The following THRB variants were observed in gnomAD, a reference collection of about 807,000 sequenced individuals.
THRB encodes thyroid hormone receptor beta.
THRB carries 12 observed loss-of-function variants against 47.8 expected under a neutral mutation model. That is an observed-to-expected ratio of 0.25 (90% CI 0.16 to 0.41). The LOEUF is 0.41. Ranked by LOEUF, THRB falls within the 10% of genes least tolerant of loss-of-function variation. The pLI, the probability that THRB is intolerant of heterozygous loss-of-function variation, is 1.00. For synonymous variants in THRB, 218 were observed against 212.2 expected, an observed-to-expected ratio of 1.03 and a Z score of -0.24; for missense variants, 348 against 589.2, an observed-to-expected ratio of 0.59 and a Z score of 4.24.
chr3:24,198,869 T>C (rs1038318264), intron 4 of THRB, among the ~76,000 whole-genome samples: 2 of 152,064 alleles, frequency 1.3e-5, no homozygotes, highest in Non-Finnish European at 2.9e-5. Context: ...GCATGGGTCA[T>C]AGCTGGGGAG....
chr3:24,430,546 A>T (rs956492913), intron 1 of THRB, among the ~76,000 whole-genome samples: 1 of 152,104 alleles, frequency 6.6e-6, no homozygotes, highest in African/African-American at 2.4e-5. Context: ...ACTGAACTCT[A>T]TACCTAAAAT....
intron 8 of THRB, among the ~76,000 whole-genome samples, chr3:24,135,841 AT>A (rs1559422365): frequency 1.2e-4 from 14 of 118,034 alleles, no homozygotes; most frequent in East Asian, 9.0e-4. Flanking sequence ...ATATATATAT[AT>A]ATATAATACA....
At chr3:24,154,203 T>C (rs1314116990) in intron 5 of THRB, among the ~76,000 whole-genome samples, 1 of 152,212 alleles carries the variant, frequency 6.6e-6, no homozygotes, top group East Asian at 1.9e-4. Flanking sequence ...GATTCATCTG[T>C]TGAGTTCACT....
intron 1 of THRB, among the ~76,000 whole-genome samples, chr3:24,370,304 A>C (rs2064811642): frequency 6.6e-6 from 1 of 152,024 alleles, no homozygotes; most frequent in African/African-American, 2.4e-5. Context: ...ACTGCCCTGA[A>C]ATCTTTATTT....
At chr3:24,311,241 T>C (rs566969892) in intron 2 of THRB, among the ~76,000 whole-genome samples, 19 of 152,286 alleles carry the variant, frequency 1.2e-4, no homozygotes, top group African/African-American at 4.3e-4. Flanking sequence ...GAGGAAAATG[T>C]AAATCCCAAG....
At chr3:24,301,324 G>T (rs965612072) in intron 2 of THRB, among the ~76,000 whole-genome samples, 1 of 152,174 alleles carries the variant, frequency 6.6e-6, no homozygotes, top group Non-Finnish European at 1.5e-5. Flanking sequence ...TTTTGTGTTT[G>T]TCTGAAAACT....
chr3:24,159,519 G>A (rs1276607188), intron 5 of THRB, among the ~76,000 whole-genome samples: 4 of 152,104 alleles, frequency 2.6e-5, no homozygotes, highest in East Asian at 3.8e-4. Context: ...TTTGACAGAC[G>A]TCAATATATG....
intron 3 of THRB, among the ~76,000 whole-genome samples, chr3:24,276,848 C>G (rs1463316236): frequency 6.6e-6 from 1 of 152,170 alleles, no homozygotes; most frequent in African/African-American, 2.4e-5. Flanking sequence ...GATGTTGGAG[C>G]AAAGTGTTGA....
intron 1 of THRB, among the ~76,000 whole-genome samples, chr3:24,398,115 T>C (rs1356612115): frequency 6.6e-6 from 1 of 152,108 alleles, no homozygotes. Context: ...AAATACTTGG[T>C]AAATACCAGT....
rs558821480 is a variant in THRB at position 24,247,712 on chromosome 3, G to T, written c.-42-18711C>A. On this transcript the variant is annotated intron_variant, in intron 3 of 10. Coordinates refer to ENST00000646209, the MANE Select transcript of THRB (RefSeq NM_001354712.2). ...GTTAAATGTCTAAAGATAAATACTGGTACATGGGGAAGTCAGGACCCAAAA... is the reference window on the plus strand; with the variant it reads ...GTTAAATGTCTAAAGATAAATACTGTTACATGGGGAAGTCAGGACCCAAAA... Among the ~76,000 whole-genome samples, 25 of 152,192 alleles carry T rather than the reference G, an allele frequency of 1.6e-4. No individual in the cohort carries two copies. In the East Asian group the frequency reaches 4.8e-3, roughly 29 times the overall value.
chr3:24,149,041 G>T (rs2036519783), intron 6 of THRB, among the ~76,000 whole-genome samples: 1 of 152,224 alleles, frequency 6.6e-6, no homozygotes, highest in Admixed American at 6.5e-5. Context: ...TTTCCTGGGT[G>T]TGCAGGGTGG....
At chr3:24,139,443 G>A (rs749565256) in intron 8 of THRB, among the ~76,000 whole-genome samples, 6 of 150,078 alleles carry the variant, frequency 4.0e-5, no homozygotes, top group Non-Finnish European at 7.4e-5. Flanking sequence ...GAGTGGAGTG[G>A]CATAATCACA....
intron 1 of THRB, among the ~76,000 whole-genome samples, chr3:24,391,058 T>G (rs1469987877): frequency 6.6e-6 from 1 of 152,092 alleles, no homozygotes; most frequent in Non-Finnish European, 1.5e-5. Flanking sequence ...CTGTGCAGTC[T>G]GGCAGAAGGA....
chr3:24,467,191 A>G (rs2074224884), intron 1 of THRB, among the ~76,000 whole-genome samples: 1 of 152,208 alleles, frequency 6.6e-6, no homozygotes, highest in Admixed American at 6.5e-5. Context: ...CCTTAACCAT[A>G]GAAGTTTTAT....
At chr3:24,262,439 A>G (rs141758658) in intron 3 of THRB, among the ~76,000 whole-genome samples, 573 of 152,292 alleles carry the variant, frequency 3.8e-3, no homozygotes, top group African/African-American at 0.013. Flanking sequence ...AAACCCTGCA[A>G]TGGTTTTCCT....
At chr3:24,231,989 C>T (rs568855529) in intron 3 of THRB, among the ~76,000 whole-genome samples, 9 of 152,242 alleles carry the variant, frequency 5.9e-5, no homozygotes, top group South Asian at 4.1e-4. Context: ...GGGGTGGCTA[C>T]GCTAATGAAG....
intron 1 of THRB, among the ~76,000 whole-genome samples, chr3:24,364,558 C>T (rs1196391930): frequency 6.6e-6 from 1 of 152,134 alleles, no homozygotes; most frequent in Non-Finnish European, 1.5e-5. Flanking sequence ...GATTGAATAA[C>T]TTGTTCTGTG....
intron 5 of THRB, among the ~76,000 whole-genome samples, chr3:24,173,513 C>A (rs943452470): frequency 1.3e-5 from 2 of 152,200 alleles, no homozygotes; most frequent in Non-Finnish European, 2.9e-5. Flanking sequence ...AGACTGTCAA[C>A]AGGAGCAGTG....
chr3:24,218,340 CTCTTTTTTTT>C (rs1332707974), intron 4 of THRB, among the ~76,000 whole-genome samples: 1 of 117,278 alleles, frequency 8.5e-6, no homozygotes, highest in Non-Finnish European at 1.6e-5. Context: ...CTCTCTCTCT[CTCTTTTTTTT>C]TTTTTTTTTT....
Sources: allele counts gnomAD v4.1 joint callset (sites outside exome capture counted in the v4.1 genomes callset), GRCh38; gene constraint gnomAD v4.1.1; transcripts MANE v1.5; gene names NCBI Gene and HGNC (gene_info 2026-07-23, HGNC 2026-07-21).